Variants in PRKD1 observed in about 807,000 individuals in gnomAD.
The protein encoded by PRKD1 is protein kinase D1.
Under a neutral mutation model 95.9 loss-of-function variants are expected in PRKD1, and 63 were observed. The observed-to-expected ratio is 0.66, with a 90% confidence interval of 0.54 to 0.81. The LOEUF is 0.81. Among genes scored for constraint, PRKD1 ranks in the 30% least tolerant of loss-of-function variants. The pLI is 0.00. For missense variants in PRKD1, 1,048 were observed against 1,165.3 expected (o/e 0.90, Z 1.47); for synonymous variants, 425 against 423.1 (o/e 1.00, Z -0.05).
intron 1 of PRKD1, among the ~76,000 whole-genome samples, chr14:29,826,702 TATATAC>T (rs1566622406): frequency 3.7e-5 from 2 of 54,788 alleles, no homozygotes; most frequent in African/African-American, 1.2e-4. Context: ...TATATATACA[TATATAC>T]ACATATATAT....
chr14:29,866,573 C>T (rs932688680), intron 1 of PRKD1, among the ~76,000 whole-genome samples: 1 of 152,070 alleles, frequency 6.6e-6, no homozygotes, highest in Non-Finnish European at 1.5e-5. Context: ...AAAGCACAGA[C>T]AAAAGGAGGC....
intron 8 of PRKD1, among the ~76,000 whole-genome samples, chr14:29,634,209 A>G (rs1880211686): frequency 6.6e-6 from 1 of 152,192 alleles, no homozygotes; most frequent in East Asian, 1.9e-4. Context: ...TTTGCCTGAA[A>G]TTGCTTTCCA....
intron 1 of PRKD1, among the ~76,000 whole-genome samples, chr14:29,793,439 A>G (rs915583416): frequency 6.6e-6 from 1 of 152,088 alleles, no homozygotes; most frequent in Non-Finnish European, 1.5e-5. Context: ...ACTAACGAGA[A>G]TTGATTTGTT....
chr14:29,846,681 T>C lies in PRKD1; in HGVS notation c.264+80568A>G, dbSNP rs560240758. On this transcript the variant is annotated intron_variant, in intron 1 of 17. Transcript: ENST00000331968. ...GATGGGCTCACTTTAGAAGGATCAT[T>C]CTGACTGCTGAGTAGAAAAGAATCA... Among the ~76,000 whole-genome samples the C allele has an allele frequency of 1.8e-4, 27 of 152,274 alleles. 1 individual carries two copies. Among genetic ancestry groups the C allele is most frequent in the Middle Eastern group, 6.8e-3 (2 of 294 alleles).
intron 1 of PRKD1, among the ~76,000 whole-genome samples, chr14:29,753,433 T>C (rs968631796): frequency 5.3e-5 from 8 of 152,158 alleles, no homozygotes; most frequent in Admixed American, 4.6e-4. Flanking sequence ...AGGCTGTTTT[T>C]TCACACAGTA....
rs78697954 is a variant in PRKD1, at chr14:29,729,961, T to C, written c.265-4287A>G. On this transcript the variant is annotated intron_variant, in intron 1 of 17. Coordinates refer to ENST00000331968, the MANE Select transcript of PRKD1 (RefSeq NM_002742.3). ...ACTAGAAGATGTGGAGACAACTCCATGACATTGGTATGGGCAACGATTTTT... is the reference window on the plus strand; with the variant it reads ...ACTAGAAGATGTGGAGACAACTCCACGACATTGGTATGGGCAACGATTTTT... Among the ~76,000 whole-genome samples, 1,354 of 152,126 alleles carry C rather than the reference T, an allele frequency of 8.9e-3. 18 individuals carry two copies. Among genetic ancestry groups the C allele is most frequent in the African/African-American group, 0.032 (1,310 of 41,530 alleles).
At chr14:29,818,981 A>G (rs1890800522) in intron 1 of PRKD1, among the ~76,000 whole-genome samples, 1 of 152,120 alleles carries the variant, frequency 6.6e-6, no homozygotes, top group Non-Finnish European at 1.5e-5. Context: ...AAATCCCAAA[A>G]TAAGAAATTT....
intron 6 of PRKD1, among the ~76,000 whole-genome samples, chr14:29,637,939 G>T (rs899508914): frequency 6.6e-6 from 1 of 152,194 alleles, no homozygotes; most frequent in African/African-American, 2.4e-5. Context: ...TTTTGGTAGT[G>T]ATCCATTAGA....
chr14:29,630,752 G>A lies in PRKD1; in HGVS notation c.1662C>T (p.Thr554=), dbSNP rs1235887611. 21 of 1,614,040 alleles carry A rather than the reference G, an allele frequency of 1.3e-5. No homozygotes were observed. The highest frequency in any genetic ancestry group is 1.7e-5 in the Non-Finnish European group (20 of 1,179,966). ...IPKGSSVGTG[T]NLHRDISVSI... ...AACTGGCAGACTCACTGTGCAAGTT[G>A]GTTCCTGTACCCACGGAGGAGCCCT... Residue 554 remains threonine, a synonymous_variant, in exon 10 of 18, where the codon ACC becomes ACT. Coordinates refer to ENST00000331968, the MANE Select transcript of PRKD1 (RefSeq NM_002742.3).
At chr14:29,688,559 A>C (rs1034213898) in intron 2 of PRKD1, among the ~76,000 whole-genome samples, 2 of 152,176 alleles carry the variant, frequency 1.3e-5, no homozygotes, top group Admixed American at 6.5e-5. Context: ...CCAGTGTAGT[A>C]ACCTAGTATT....
intron 1 of PRKD1, among the ~76,000 whole-genome samples, chr14:29,767,563 A>G (rs1888310432): frequency 6.6e-6 from 1 of 152,180 alleles, no homozygotes; most frequent in African/African-American, 2.4e-5. Context: ...TGTTGTTCAA[A>G]GGACATGGTT....
At chr14:29,811,152 T>G (rs147930033) in intron 1 of PRKD1, among the ~76,000 whole-genome samples, 1 of 152,158 alleles carries the variant, frequency 6.6e-6, no homozygotes, top group African/African-American at 2.4e-5. Context: ...CCATTAAAGG[T>G]ACTAAAATAT....
chr14:29,599,112 A>G lies in PRKD1; in HGVS notation c.2081T>C (p.Leu694Ser). The change falls in exon 15 of 18, where the codon TTG becomes TCG. Residue 694 changes from leucine (L) to serine (S), a missense_variant. By Grantham distance (145) the Leu-to-Ser change is moderately radical (BLOSUM62 -2). Coordinates refer to ENST00000331968, the MANE Select transcript of PRKD1 (RefSeq NM_002742.3). Reference sequence around the variant, plus strand: ...GATATTTTTAAAATGAAGGTGCCGCAAAGCCACGAGTATCTGTAAAGAAGA... The same window carrying G: ...GATATTTTTAAAATGAAGGTGCCGCGAAGCCACGAGTATCTGTAAAGAAGA... Reference protein sequence around the residue: ...KFLITQILVALRHLHFKNIVH... With the variant: ...KFLITQILVASRHLHFKNIVH... 6.2e-7 allele frequency: 1 copy of G among 1,613,388 alleles called. No individual in the cohort carries two copies. The highest frequency in any genetic ancestry group is 1.1e-5 in the South Asian group (1 of 91,064).
intron 1 of PRKD1, among the ~76,000 whole-genome samples, chr14:29,726,192 C>T (rs1200428078): frequency 6.6e-6 from 1 of 152,114 alleles, no homozygotes; most frequent in African/African-American, 2.4e-5. Flanking sequence ...TATCTAGATC[C>T]TTTGATCAGG....
At chr14:29,742,973 G>T (rs1415560551) in intron 1 of PRKD1, among the ~76,000 whole-genome samples, 2 of 152,130 alleles carry the variant, frequency 1.3e-5, no homozygotes, top group Non-Finnish European at 2.9e-5. Flanking sequence ...AGTTTCATGG[G>T]ATTGTCACAG....
rs72660451 is a variant in PRKD1, at chr14:29,914,136, T to C, written c.264+13113A>G. Among the ~76,000 whole-genome samples, 1,340 of 152,352 alleles carry C rather than the reference T, an allele frequency of 8.8e-3. 11 individuals carry two copies. The highest frequency in any genetic ancestry group is 0.041 in the Middle Eastern group (12 of 294). ...AGGTCAAGTCATCTCTCTTTATATA[T>C]AGACACACTTACATCTACATTTTTG... On this transcript the variant is annotated intron_variant, in intron 1 of 17. Coordinates refer to ENST00000331968, the MANE Select transcript of PRKD1 (RefSeq NM_002742.3).
intron 13 of PRKD1, among the ~76,000 whole-genome samples, chr14:29,613,311 G>T (rs1055475341): frequency 1.3e-5 from 2 of 152,016 alleles, no homozygotes; most frequent in Non-Finnish European, 2.9e-5. Context: ...TCATTTTCTT[G>T]TGCACACTTA....
intron 2 of PRKD1, among the ~76,000 whole-genome samples, chr14:29,695,187 TCC>T: frequency 7.1e-6 from 1 of 140,848 alleles, no homozygotes; most frequent in East Asian, 2.1e-4. Context: ...TGAGCTGAGA[TCC>T]TGCCACTGCA....
At chr14:29,733,812 C>T (rs143729081) in intron 1 of PRKD1, among the ~76,000 whole-genome samples, 1 of 151,916 alleles carries the variant, frequency 6.6e-6, no homozygotes, top group Non-Finnish European at 1.5e-5. Flanking sequence ...CAAAGCCTAA[C>T]CATATATACC....
Sources: allele counts gnomAD v4.1 joint callset (sites outside exome capture counted in the v4.1 genomes callset), GRCh38; gene constraint gnomAD v4.1.1; transcripts MANE v1.5; gene names NCBI Gene and HGNC (gene_info 2026-07-23, HGNC 2026-07-21).